EXPH5: variants seen among roughly 807,000 people sequenced by gnomAD.
EXPH5 encodes the protein exophilin-5.
EXPH5 carries 42 observed loss-of-function variants against 41.1 expected under a neutral mutation model. The ratio of observed to expected loss-of-function variants is 1.02; its 90% CI spans 0.80 to 1.32. The LOEUF (loss-of-function observed/expected upper bound fraction) is 1.32. Ranked by LOEUF, EXPH5 falls within the 40% of genes most tolerant of loss-of-function variation. The probability of loss-of-function intolerance (pLI) is 0.00; values close to 1 mark genes in which losing one functional copy is unlikely to be tolerated. For missense variants in EXPH5, 2,298 were observed against 2,314.5 expected (o/e 0.99, Z 0.15); for synonymous variants, 798 against 833.5 (o/e 0.96, Z 0.73).
At chr11:108,601,249 T>A in the EXPH5 span, among the ~76,000 whole-genome samples, 2 of 152,246 alleles carry the variant, frequency 1.3e-5, no homozygotes, top group African/African-American at 4.8e-5. Flanking sequence ...CTGTATGTTT[T>A]AATACCCGTA....
intron 1 of EXPH5, among the ~76,000 whole-genome samples, chr11:108,572,228 A>C (rs1192397186): frequency 6.6e-6 from 1 of 152,164 alleles, no homozygotes; most frequent in African/African-American, 2.4e-5. Context: ...AAAACAACCA[A>C]AAGTAAAAAG....
chr11:108,559,394 C>T (rs1049739182), intron 1 of EXPH5, among the ~76,000 whole-genome samples: 7 of 152,156 alleles, frequency 4.6e-5, no homozygotes, highest in South Asian at 2.1e-4. Context: ...GAAAGCTGCT[C>T]GGAGCTGCAG....
At chr11:108,586,271 C>G (rs1001668289) in intron 1 of EXPH5, among the ~76,000 whole-genome samples, 1 of 152,130 alleles carries the variant, frequency 6.6e-6, no homozygotes, top group Non-Finnish European at 1.5e-5. Flanking sequence ...TTTATACATA[C>G]GACAACCTGT....
intron 5 of EXPH5, among the ~76,000 whole-genome samples, chr11:108,515,812 C>G (rs1325568598): frequency 6.6e-6 from 1 of 152,136 alleles, no homozygotes; most frequent in African/African-American, 2.4e-5. Context: ...GTGGCTCATG[C>G]CTGTAATCCC....
At chr11:108,535,744 T>C (rs1392080949) in intron 3 of EXPH5, among the ~76,000 whole-genome samples, 1 of 152,190 alleles carries the variant, frequency 6.6e-6, no homozygotes, top group Non-Finnish European at 1.5e-5. Flanking sequence ...AATTTGGACA[T>C]GCCTGAGAGT....
chr11:108,594,965 T>C (rs1436070203), upstream of EXPH5, among the ~76,000 whole-genome samples: 3 of 152,258 alleles, frequency 2.0e-5, no homozygotes, highest in Admixed American at 1.3e-4. Flanking sequence ...TCACCCATGG[T>C]GTACACAATA....
At chr11:108,533,207 C>T (rs796738999) in intron 3 of EXPH5, among the ~76,000 whole-genome samples, 2 of 134,052 alleles carry the variant, frequency 1.5e-5, no homozygotes, top group African/African-American at 3.5e-5. Context: ...AGTCTACATT[C>T]TATTTTTTTT....
At chr11:108,559,653 C>G (rs1310441883) in intron 1 of EXPH5, among the ~76,000 whole-genome samples, 2 of 152,196 alleles carry the variant, frequency 1.3e-5, no homozygotes, top group Non-Finnish European at 2.9e-5. Flanking sequence ...ATCTCTCCTT[C>G]ATTTTCATTA....
intron 3 of EXPH5, among the ~76,000 whole-genome samples, chr11:108,532,356 ATATATATATATTTTTTT>A (rs1438429799): frequency 9.9e-5 from 2 of 20,180 alleles, no homozygotes; most frequent in Non-Finnish European, 1.6e-4. Flanking sequence ...ATATATATAT[ATATATATATATTTTTTT>A]TTTTTTTTTT....
In EXPH5 at chr11:108,513,945, T is replaced by C. The variant is rs145392580; in HGVS notation, c.1562A>G (p.His521Arg). Residue 521 changes from histidine (H) to arginine (R), a missense_variant, in exon 6 of 6, where the codon CAT becomes CGT. His to Arg is a conservative substitution (Grantham distance 29, BLOSUM62 0). Coordinates refer to ENST00000265843, the MANE Select transcript of EXPH5 (RefSeq NM_015065.3). ...SMEANSVSAI[H>R]GHNVSSEHWE... ...GTGTTCAGAAGAAACATTATGGCCA[T>C]GAATGGCTGATACACTATTTGCTTC... The C allele has an allele frequency of 2.1e-5, 34 of 1,607,820 alleles. No individual in the cohort carries two copies. Among genetic ancestry groups the C allele is most frequent in the Admixed American group, 1.5e-4 (9 of 59,144 alleles).
intron 1 of EXPH5, among the ~76,000 whole-genome samples, chr11:108,588,911 A>G (rs991450398): frequency 2.6e-5 from 4 of 152,194 alleles, no homozygotes; most frequent in Non-Finnish European, 5.9e-5. Context: ...ATCTGAGAGG[A>G]AGTTCTCCCT....
Position 108,508,010 on chromosome 11 carries a change from A to AAT in EXPH5, c.*1526_*1527insAT. On this transcript the variant is annotated 3_prime_UTR_variant, in exon 6 of 6. Transcript: ENST00000265843. ...CCAACTCTACTAAAAATACCAAAAA[A>AAT]AAAAAAAAAAAAAAAAAAATTAGCC... 6.8e-6 allele frequency: 1 copy of AAT among 147,026 alleles called. No individual in the cohort carries two copies. The allele number at this position is 147,026 out of a possible 1,614,324, so 9.1% of individuals were successfully genotyped here.
At chr11:108,529,135 TA>T (rs1184032053) in intron 3 of EXPH5, among the ~76,000 whole-genome samples, 163 of 143,284 alleles carry the variant, frequency 1.1e-3, no homozygotes, top group Middle Eastern at 3.6e-3. Context: ...TAATTTAAAG[TA>T]AAAAAAAAAA....
intron 1 of EXPH5, among the ~76,000 whole-genome samples, chr11:108,568,500 G>A (rs980896262): frequency 2.0e-5 from 3 of 152,050 alleles, no homozygotes; most frequent in African/African-American, 7.2e-5. Flanking sequence ...TTTGAAATCT[G>A]TCCACACCTC....
At chr11:108,548,052 T>G (rs1304998245) in intron 1 of EXPH5, among the ~76,000 whole-genome samples, 1 of 142,508 alleles carries the variant, frequency 7.0e-6, no homozygotes, top group African/African-American at 2.7e-5. Context: ...GAGGTTGCAG[T>G]GAGCCGAGAT....
chr11:108,547,425 G>C (rs2093943588), intron 1 of EXPH5, among the ~76,000 whole-genome samples: 1 of 151,972 alleles, frequency 6.6e-6, no homozygotes, highest in Admixed American at 6.6e-5. Flanking sequence ...CTGTTGCCCA[G>C]GCTGGTCTCT....
upstream of EXPH5, among the ~76,000 whole-genome samples, chr11:108,594,687 A>G (rs1332670522): frequency 1.3e-5 from 2 of 152,200 alleles, no homozygotes; most frequent in Non-Finnish European, 2.9e-5. Flanking sequence ...CCTGCCCCAT[A>G]GCCTTAATTT....
intron 1 of EXPH5, among the ~76,000 whole-genome samples, chr11:108,555,509 T>C (rs967473748): frequency 1.3e-5 from 2 of 152,186 alleles, no homozygotes; most frequent in African/African-American, 2.4e-5. Flanking sequence ...AGTATCTCCA[T>C]AGCCACCTCC....
chr11:108,597,807 A>G (rs2094140826), upstream of EXPH5, among the ~76,000 whole-genome samples: 1 of 152,226 alleles, frequency 6.6e-6, no homozygotes. Context: ...TTATCTACTT[A>G]GGAAAAAGAC....
Sources: allele counts gnomAD v4.1 joint callset (sites outside exome capture counted in the v4.1 genomes callset), GRCh38; gene constraint gnomAD v4.1.1; transcripts MANE v1.5; gene names NCBI Gene and HGNC (gene_info 2026-07-23, HGNC 2026-07-21).